OTX1: variants seen among roughly 807,000 people sequenced by gnomAD.
OTX1 encodes the protein homeobox protein OTX1.
In OTX1, 7 loss-of-function variants were observed where a neutral mutation model predicts 26.7. That is an observed-to-expected ratio of 0.26 (90% confidence interval 0.15 to 0.49). OTX1 has a LOEUF of 0.49. Ranked by LOEUF, OTX1 falls within the 20% of genes least tolerant of loss-of-function variation. OTX1 has a pLI of 0.98. For missense variants in OTX1, 414 were observed against 483.8 expected (o/e 0.86, Z 1.35); for synonymous variants, 216 against 212.8 (o/e 1.01, Z -0.13).
In OTX1 at chr2:63,056,369, C is replaced by A; in HGVS notation, c.*53C>A. 1.4e-6 allele frequency: 2 copies of A among 1,480,860 alleles called. No individual in the cohort carries two copies. Among genetic ancestry groups the A allele is most frequent in the Non-Finnish European group, 9.3e-7 (1 of 1,079,860 alleles). 91.7% of individuals were successfully genotyped at this position (1,480,860 alleles called of 1,614,324 possible). A position where few individuals can be genotyped will look rare whatever the true frequency, so the allele number is the denominator to read the frequency against. On this transcript the variant is annotated 3_prime_UTR_variant, in exon 5 of 5. Transcript: ENST00000282549. ...GCAACTACCTGCGCCCTCCGTGGTC[C>A]CGATCCTGTTGCTGCTGCTGCACCG...
At position 63,055,436 on chromosome 2, in the gene OTX1, G is replaced by A; in HGVS notation, c.250-65G>A. ...TCTGGACCGGGAGTTGGGTCCGCGG[G>A]GCGGTGGAGCAACAAGCTCCCCTAG... On this transcript the variant is annotated intron_variant, in intron 4 of 4. Transcript: ENST00000282549. The surrounding 1 kb of genome is among the most constrained non-coding windows in gnomAD (Gnocchi z 5.2). 1 of 1,506,598 alleles carries A rather than the reference G, an allele frequency of 6.6e-7. No individual in the cohort carries two copies. The highest frequency in any genetic ancestry group is 9.0e-7 in the Non-Finnish European group (1 of 1,109,212). 93.3% of individuals were successfully genotyped at this position (1,506,598 alleles called of 1,614,324 possible).
In OTX1 at chr2:63,057,129, G is replaced by A. The variant is rs924040581; in HGVS notation, c.*813G>A. 6.6e-6 allele frequency: 1 copy of A among 150,686 alleles called. No homozygotes were observed. Among genetic ancestry groups the A allele is most frequent in the Non-Finnish European group, 1.5e-5 (1 of 67,796 alleles). The allele number at this position is 150,686 out of a possible 1,614,324, so 9.3% of individuals were successfully genotyped here. A position where few individuals can be genotyped will look rare whatever the true frequency, so the allele number is the denominator to read the frequency against. On this transcript the variant is annotated 3_prime_UTR_variant, in exon 5 of 5. Transcript: ENST00000282549. ...GAAACAGAACTTTAAGATATATACA[G>A]CACATATATATATATATACATATAT...
Position 63,056,290 on chromosome 2 carries a change from G to T in OTX1, c.1039G>T (p.Ala347Ser), listed in dbSNP as rs747777597. The T allele has an allele frequency of 6.8e-6, 11 of 1,613,156 alleles. No individual in the cohort carries two copies. The Admixed American group carries it at 1.8e-4, about 27-fold the overall frequency. ...CGACTGTCTGGACTATAAGGACCAA[G>T]CCTCATGGCGGTTCCAGGTCTTGTG... ...SPDCLDYKDQ[A>S]SWRFQVL Residue 347 changes from alanine (A) to serine (S), a missense_variant, in exon 5 of 5, where the codon GCC becomes TCC. Transcript: ENST00000282549.
At position 63,056,132 on chromosome 2, in the gene OTX1, A is replaced by G. The variant is rs1448654123; in HGVS notation, c.881A>G (p.His294Arg). The G allele has an allele frequency of 6.2e-7, 1 of 1,613,630 alleles. No homozygotes were observed. ...TTGAGCCAGTCCTCAGGCCACCACC[A>G]CCACCATCACCACCACCACCACCAA... ...HPLSQSSGHH[H>R]HHHHHHHQGY... Residue 294 changes from histidine to arginine, a missense_variant, in exon 5 of 5, where the codon CAC becomes CGC. His to Arg is a conservative substitution (Grantham distance 29, BLOSUM62 0). This residue lies in a region of OTX1 where 320 missense variants were observed against 347.9 expected (regional missense o/e 0.92). Coordinates refer to ENST00000282549, the MANE Select transcript of OTX1 (RefSeq NM_014562.4).
chr2:63,052,913 C>A lies in OTX1; in HGVS notation c.-78C>A. ...CCCAGACGCATCAGACCCTGAAGGA[C>A]TGCGTGGTGGGAGCCCTGCACCGCT... On this transcript the variant is annotated 5_prime_UTR_variant, in exon 3 of 5. The change creates a new upstream start codon in the 5' untranslated region. Transcript: ENST00000282549. 1.1e-6 allele frequency: 1 copy of A among 886,096 alleles called. No individual in the cohort carries two copies. Among genetic ancestry groups the A allele is most frequent in the Non-Finnish European group, 1.8e-6 (1 of 550,362 alleles). 54.9% of individuals were successfully genotyped at this position (886,096 alleles called of 1,614,324 possible).
In OTX1 at chr2:63,056,562, T is replaced by C. The variant is rs1012375013; in HGVS notation, c.*246T>C. The C allele has an allele frequency of 2.1e-5, 12 of 575,720 alleles. No homozygotes were observed. The highest frequency in any genetic ancestry group is 3.4e-5 in the Non-Finnish European group (11 of 322,454). 35.7% of individuals were successfully genotyped at this position (575,720 alleles called of 1,614,324 possible). A position where few individuals can be genotyped will look rare whatever the true frequency, so the allele number is the denominator to read the frequency against. On this transcript the variant is annotated 3_prime_UTR_variant, in exon 5 of 5. Coordinates refer to ENST00000282549, the MANE Select transcript of OTX1 (RefSeq NM_014562.4). ...GCTTCGGCTTGGCCTACACATTCTA[T>C]ACAGGAGAGATGTATTATTTCCCCC...
In OTX1 at chr2:63,056,107, T is replaced by C; in HGVS notation, c.856T>C (p.Leu286=). 6.2e-7 allele frequency: 1 copy of C among 1,613,860 alleles called. No individual in the cohort carries two copies. Among genetic ancestry groups the C allele is most frequent in the Non-Finnish European group, 8.5e-7 (1 of 1,179,952 alleles). ...HHHHPHAHHP[L]SQSSGHHHHH... is the part of the protein sequence containing the mutation. ...TCACCACCCACATGCGCACCACCCG[T>C]TGAGCCAGTCCTCAGGCCACCACCA... The change falls in exon 5 of 5, where the codon TTG becomes CTG. Residue 286 remains leucine, a synonymous_variant. Coordinates refer to ENST00000282549, the MANE Select transcript of OTX1 (RefSeq NM_014562.4).
Position 63,054,135 on chromosome 2 carries a change from C to T in OTX1, c.186C>T (p.Tyr62=), listed in dbSNP as rs959377499. 2 of 1,612,120 alleles carry T rather than the reference C, an allele frequency of 1.2e-6. No homozygotes were observed. Among genetic ancestry groups the T allele is most frequent in the Non-Finnish European group, 1.7e-6 (2 of 1,179,170 alleles). The change falls in exon 4 of 5, where the codon TAC becomes TAT. Residue 62 remains tyrosine (Y), a synonymous_variant. Coordinates refer to ENST00000282549, the MANE Select transcript of OTX1 (RefSeq NM_014562.4). ...AGGCGCTCTTCGCCAAGACTCGCTA[C>T]CCTGACATCTTCATGCGGGAGGAGG... ...VLEALFAKTR[Y]PDIFMREEVA...
intron 3 of OTX1, chr2:63,053,460 C>T: frequency 4.7e-6 from 1 of 213,598 alleles, no homozygotes; most frequent in South Asian, 1.4e-4. Context: ...TAGGCCCTGA[C>T]AGAAAGAGCC....
chr2:63,051,551 T>G (rs1244651862), intron 2 of OTX1: 1 of 152,220 alleles, frequency 6.6e-6, no homozygotes, highest in Non-Finnish European at 1.5e-5. Context: ...TTGGAGAAAG[T>G]CTTTGAAAAC....
rs770015915 is a variant in OTX1 at position 63,056,082 on chromosome 2, TCACCACCCACATGCG to T, written c.840_854del (p.His281_Pro285del). 1 of 1,613,792 alleles carries T rather than the reference TCACCACCCACATGCG, an allele frequency of 6.2e-7. No homozygotes were observed. Among genetic ancestry groups the T allele is most frequent in the South Asian group, 1.1e-5 (1 of 91,056 alleles). ...CCTCCTCCATGGCGGGCCACCATCA[TCACCACCCACATGCG>T]CACCACCCGTTGAGCCAGTCCTCAG... On this transcript the variant is annotated inframe_deletion, in exon 5 of 5. Coordinates refer to ENST00000282549, the MANE Select transcript of OTX1 (RefSeq NM_014562.4).
rs993900652 is a variant in OTX1 at position 63,056,868 on chromosome 2, G to A, written c.*552G>A. On this transcript the variant is annotated 3_prime_UTR_variant, in exon 5 of 5. Transcript: ENST00000282549. The stretch of plus-strand genomic sequence containing the variant: ...CACGCCTGCCGGCCAGAGCCTCCCG[G>A]CGTTTCTTCCGCCCCAGCGGAGTGC... The A allele has an allele frequency of 1.3e-5, 2 of 153,726 alleles. No homozygotes were observed. The highest frequency in any genetic ancestry group is 4.8e-5 in the African/African-American group (2 of 41,446). The allele number at this position is 153,726 out of a possible 1,614,324, so 9.5% of individuals were successfully genotyped here.
Position 63,057,479 on chromosome 2 carries a change from C to A in OTX1, c.*1163C>A, listed in dbSNP as rs1314960577. On this transcript the variant is annotated 3_prime_UTR_variant, in exon 5 of 5. Transcript: ENST00000282549. ...CAAACCTAAAACAAGAAAACCAAAA[C>A]CAGGGAACAAAACAACAAAACAAAA... The A allele has an allele frequency of 6.6e-6, 1 of 152,296 alleles. No individual in the cohort carries two copies. Among genetic ancestry groups the A allele is most frequent in the African/African-American group, 2.4e-5 (1 of 41,416 alleles). The allele number at this position is 152,296 out of a possible 1,614,324, so 9.4% of individuals were successfully genotyped here.
rs774839955 is a variant in OTX1, at chr2:63,055,944, C to T, written c.693C>T (p.Tyr231=). The T allele has an allele frequency of 2.3e-5, 37 of 1,612,928 alleles. No homozygotes were observed. The highest frequency in any genetic ancestry group is 3.1e-5 in the Non-Finnish European group (36 of 1,180,028). ...YPMSYGQGGS[Y]GQGYPTPSSS... ...TGTCCTACGGCCAGGGCGGCAGCTA[C>T]GGCCAAGGCTACCCTACGCCCTCCT... Residue 231 remains tyrosine (Y), a synonymous_variant, in exon 5 of 5, where the codon TAC becomes TAT. Coordinates refer to ENST00000282549, the MANE Select transcript of OTX1 (RefSeq NM_014562.4). This position sits in a 1 kb window ranked among gnomAD's most constrained non-coding sequence, Gnocchi z 5.2.
In OTX1 at chr2:63,056,008, G is replaced by A. The variant is rs769152158; in HGVS notation, c.757G>A (p.Ala253Thr). Residue 253 changes from alanine (A) to threonine (T), a missense_variant, in exon 5 of 5, where the codon GCG (alanine) becomes ACG (threonine). By Grantham distance (58) the Ala-to-Thr change is moderately conservative (BLOSUM62 0). Around this residue, in one of 3 missense-constraint regions of OTX1, gnomAD observed 320 missense variants for 347.9 expected, o/e 0.92. Coordinates refer to ENST00000282549, the MANE Select transcript of OTX1 (RefSeq NM_014562.4). ...CGGCGTGGACTGCAGCTCATACCTA[G>A]CGCCCATGCACTCACATCACCACCC... ...FGGVDCSSYL[A>T]PMHSHHHPHQ... 2 of 1,613,994 alleles carry A rather than the reference G, an allele frequency of 1.2e-6. No individual in the cohort carries two copies. Among genetic ancestry groups the A allele is most frequent in the South Asian group, 2.2e-5 (2 of 91,072 alleles).
rs916407323 is a variant in OTX1, at chr2:63,055,191, G to A, written c.250-310G>A. Among the ~76,000 whole-genome samples the A allele has an allele frequency of 2.6e-5, 4 of 152,238 alleles. No individual in the cohort carries two copies. The highest frequency in any genetic ancestry group is 9.6e-5 in the African/African-American group (4 of 41,454). Reference sequence around the variant, plus strand: ...CAGCCAACAGCAGCAATTTAGAGATGGCAGAACTTCTGACTGGGCAGACTG... The same window carrying A: ...CAGCCAACAGCAGCAATTTAGAGATAGCAGAACTTCTGACTGGGCAGACTG... On this transcript the variant is annotated intron_variant, in intron 4 of 4. Transcript: ENST00000282549. This position sits in a 1 kb window ranked among gnomAD's most constrained non-coding sequence, Gnocchi z 5.2.
intron 2 of OTX1, 55 bp from the exon 3 acceptor site, chr2:63,052,825 C>A: frequency 1.8e-6 from 1 of 566,490 alleles, no homozygotes; most frequent in Non-Finnish European, 3.1e-6. Context: ...CGGGGCAAGA[C>A]TTGGCAGCCA....
At chr2:63,054,248 C>A in intron 4 of OTX1, 50 bp downstream of exon 4, 4 of 1,517,762 alleles carry the variant, frequency 2.6e-6, no homozygotes, top group East Asian at 2.4e-5. Flanking sequence ...TGAGGCTGCT[C>A]GGGGAAGGTC....
rs767410998 is a variant in OTX1, at chr2:63,056,257, A to G, written c.1006A>G (p.Asn336Asp). The G allele has an allele frequency of 6.2e-7, 1 of 1,613,712 alleles. No individual in the cohort carries two copies. The highest frequency in any genetic ancestry group is 1.1e-5 in the South Asian group (1 of 91,062). ...TTCCTCCGCCTGGAAACTCAACTTC[A>G]ACTCCCCCGACTGTCTGGACTATAA... is the stretch of plus-strand genomic sequence containing the variant. ...AASSAWKLNF[N>D]SPDCLDYKDQ... The change falls in exon 5 of 5, where the codon AAC (asparagine) becomes GAC (aspartate). Residue 336 changes from asparagine (N) to aspartate (D), a missense_variant. Asn to Asp is a conservative substitution (Grantham distance 23). This residue lies in a region of OTX1 where 320 missense variants were observed against 347.9 expected (regional missense o/e 0.92). Transcript: ENST00000282549.
Sources: gnomAD v4.1 joint callset for allele counts (sites outside exome capture counted in the v4.1 genomes callset) on GRCh38, gnomAD v4.1.1 for gene constraint, gnomAD v4.1.1 regional missense constraint, Gnocchi (gnomAD v3.1) non-coding constraint, MANE v1.5 for transcripts, NCBI Gene and HGNC (gene_info 2026-07-23, HGNC 2026-07-21) for gene names.